The following SAMD5 variants were observed in gnomAD, a reference collection of about 807,000 sequenced individuals.
The protein encoded by SAMD5 is sterile alpha motif domain containing 5.
In SAMD5, 13 loss-of-function variants were observed where a neutral mutation model predicts 11.3. That is an observed-to-expected ratio of 1.15 (90% CI 0.75 to 1.83). SAMD5 has a LOEUF of 1.83. Among genes scored for constraint, SAMD5 ranks in the 40% most tolerant of loss-of-function variants. The probability of loss-of-function intolerance (pLI) is 0.00; values close to 1 mark genes in which losing one functional copy is unlikely to be tolerated. For missense variants in SAMD5, 255 were observed against 239.1 expected (o/e 1.07, Z -0.44); for synonymous variants, 129 against 111.3 (o/e 1.16, Z -1.00).
rs573423660 is a variant in SAMD5 at position 147,586,560 on chromosome 6, C to T, written c.162+77173C>T. Among the ~76,000 whole-genome samples the T allele has an allele frequency of 1.2e-4, 19 of 152,136 alleles. No individual in the cohort carries two copies. In the South Asian group the frequency reaches 2.5e-3, roughly 20 times the overall value. On this transcript the variant is annotated intron_variant, in intron 1 of 1. Coordinates refer to the SAMD5 transcript ENST00000566741. ...TGGACTCCACATTTAAACTAATCAA[C>T]GTTACCACGGTTTTTCTTTAAATAA... is the stretch of plus-strand genomic sequence containing the variant.
the SAMD5 span, among the ~76,000 whole-genome samples, chr6:147,879,364 G>A: frequency 2.0e-5 from 3 of 152,098 alleles, no homozygotes; most frequent in Non-Finnish European, 4.4e-5. Flanking sequence ...AGAGATGAGC[G>A]TGATTGACAG....
At chr6:147,716,675 G>T (rs1421429561) in intron 1 of SAMD5, among the ~76,000 whole-genome samples, 1 of 152,232 alleles carries the variant, frequency 6.6e-6, no homozygotes, top group Non-Finnish European at 1.5e-5. Flanking sequence ...ACCTCCCACA[G>T]TGCAGCCAGC....
At chr6:147,651,532 G>C (rs1387313794) in intron 1 of SAMD5, among the ~76,000 whole-genome samples, 1 of 152,154 alleles carries the variant, frequency 6.6e-6, no homozygotes, top group Non-Finnish European at 1.5e-5. Context: ...TGAGATTAGA[G>C]CCCTTACAAA....
chr6:147,821,622 A>C, the SAMD5 span, among the ~76,000 whole-genome samples: 1 of 152,200 alleles, frequency 6.6e-6, no homozygotes, highest in Non-Finnish European at 1.5e-5. Flanking sequence ...AATCAGTTTG[A>C]GATTATGCTC....
At chr6:147,624,721 G>A (rs1315246811) in intron 1 of SAMD5, among the ~76,000 whole-genome samples, 3 of 152,088 alleles carry the variant, frequency 2.0e-5, no homozygotes, top group Non-Finnish European at 4.4e-5. Flanking sequence ...GGGACTTGGG[G>A]GAAAGGGTGG....
At chr6:147,771,584 T>C in the SAMD5 span, among the ~76,000 whole-genome samples, 2 of 152,294 alleles carry the variant, frequency 1.3e-5, no homozygotes, top group South Asian at 4.1e-4. Flanking sequence ...AGGGCCATAA[T>C]GGGAAGTCAG....
the SAMD5 span, among the ~76,000 whole-genome samples, chr6:147,891,719 A>C: frequency 6.6e-6 from 1 of 152,190 alleles, no homozygotes; most frequent in Admixed American, 6.5e-5. Flanking sequence ...CTTTCTCCCC[A>C]GATCTAAGAT....
the SAMD5 span, among the ~76,000 whole-genome samples, chr6:147,886,949 A>G: frequency 3.9e-5 from 6 of 152,226 alleles, no homozygotes; most frequent in Non-Finnish European, 8.8e-5. Context: ...TTGAGCCACC[A>G]GATGAGAATA....
rs1485883938 is a variant in SAMD5, at chr6:147,566,496, T to C, written c.*2040T>C. The C allele has an allele frequency of 1.0e-6, 1 of 985,712 alleles. No individual in the cohort carries two copies. The highest frequency in any genetic ancestry group is 1.2e-6 in the Non-Finnish European group (1 of 829,890). 61.1% of individuals were successfully genotyped at this position (985,712 alleles called of 1,614,324 possible). On this transcript the variant is annotated 3_prime_UTR_variant, in exon 2 of 2. Coordinates refer to ENST00000367474, the MANE Select transcript of SAMD5 (RefSeq NM_001030060.3). Reference sequence around the variant, plus strand: ...CTTGTTGAACTTTGCTAGGAAGGACTCAATTTTTGAAAAATCTGTTATTTT... The same window carrying C: ...CTTGTTGAACTTTGCTAGGAAGGACCCAATTTTTGAAAAATCTGTTATTTT...
the SAMD5 span, among the ~76,000 whole-genome samples, chr6:147,797,187 T>C: frequency 1.5e-3 from 184 of 124,794 alleles, no homozygotes; most frequent in Middle Eastern, 7.4e-3. Flanking sequence ...CCATTCAGTA[T>C]GATATTGGCT....
At chr6:147,770,105 G>C in the SAMD5 span, among the ~76,000 whole-genome samples, 1 of 152,166 alleles carries the variant, frequency 6.6e-6, no homozygotes, top group African/African-American at 2.4e-5. Flanking sequence ...AGAAATGCTT[G>C]GGTATATAGC....
chr6:147,896,653 G>A, the SAMD5 span, among the ~76,000 whole-genome samples: 18 of 149,510 alleles, frequency 1.2e-4, no homozygotes, highest in Non-Finnish European at 1.3e-4. Context: ...CTAAAATGAT[G>A]GTAGTAAAAA....
the SAMD5 span, among the ~76,000 whole-genome samples, chr6:147,894,047 C>T: frequency 6.6e-6 from 1 of 151,400 alleles, no homozygotes; most frequent in South Asian, 2.1e-4. Flanking sequence ...TTTAATTCAT[C>T]ATCTTTGAGG....
At chr6:147,847,470 A>C in the SAMD5 span, among the ~76,000 whole-genome samples, 1 of 152,240 alleles carries the variant, frequency 6.6e-6, no homozygotes, top group African/African-American at 2.4e-5. Context: ...TTTGATGTCA[A>C]GGTTCAGCAT....
At chr6:147,560,935 T>C (rs186971327) in intron 1 of SAMD5, among the ~76,000 whole-genome samples, 9 of 152,280 alleles carry the variant, frequency 5.9e-5, no homozygotes, top group African/African-American at 1.9e-4. Context: ...GTGGCTTGAA[T>C]GTAAGAACTT....
At chr6:147,851,413 A>G in the SAMD5 span, among the ~76,000 whole-genome samples, 940 of 152,290 alleles carry the variant, frequency 6.2e-3, 43 homozygotes, top group Admixed American at 0.059. Flanking sequence ...ACCCCCCTCA[A>G]ATAAGGGGAG....
At chr6:147,741,059 C>T (rs1181509295), downstream of SAMD5, among the ~76,000 whole-genome samples, 3 of 152,140 alleles carry the variant, frequency 2.0e-5, no homozygotes, top group Admixed American at 6.5e-5. Context: ...CATGGAATGG[C>T]GCCTCTGGTA....
At chr6:147,575,580 A>G (rs192600620) in intron 1 of SAMD5, among the ~76,000 whole-genome samples, 1 of 152,260 alleles carries the variant, frequency 6.6e-6, no homozygotes, top group Non-Finnish European at 1.5e-5. Flanking sequence ...AAATATGTGC[A>G]TTCAAATCAA....
chr6:147,730,336 G>A (rs1791696408), intron 1 of SAMD5: 1 of 289,704 alleles, frequency 3.5e-6, no homozygotes, highest in African/African-American at 2.2e-5. Flanking sequence ...GATAAAAGTG[G>A]GGAGAACAGT....
Sources: allele counts gnomAD v4.1 joint callset (sites outside exome capture counted in the v4.1 genomes callset), GRCh38; gene constraint gnomAD v4.1.1; transcripts MANE v1.5; gene names NCBI Gene and HGNC (gene_info 2026-07-23, HGNC 2026-07-21).